MYH10: variants seen among roughly 807,000 people sequenced by gnomAD.
The protein encoded by MYH10 is myosin-10.
Under a neutral mutation model 257.8 loss-of-function variants are expected in MYH10, and 55 were observed. That is an observed-to-expected ratio of 0.21 (90% CI 0.17 to 0.27). The LOEUF is 0.27. Ranked by LOEUF, MYH10 falls within the 10% of genes least tolerant of loss-of-function variation. MYH10 has a pLI of 1.00. For missense variants in MYH10, 1,631 were observed against 2,500.6 expected, an observed-to-expected ratio of 0.65 and a Z score of 7.42; for synonymous variants, 854 against 921.7, an observed-to-expected ratio of 0.93 and a Z score of 1.33.
chr17:8,619,303 C>G (rs2085379328), intron 2 of MYH10, among the ~76,000 whole-genome samples: 1 of 152,114 alleles, frequency 6.6e-6, no homozygotes, highest in African/African-American at 2.4e-5. Context: ...GGTGCTAGTA[C>G]AGTTTGGTAC....
chr17:8,554,554 A>G (rs1318060215), intron 7 of MYH10, among the ~76,000 whole-genome samples: 2 of 152,208 alleles, frequency 1.3e-5, no homozygotes, highest in Non-Finnish European at 2.9e-5. Context: ...TGATTTCTTT[A>G]CTATACATAA....
intron 2 of MYH10, among the ~76,000 whole-genome samples, chr17:8,620,033 CA>C (rs1333039677): frequency 6.6e-6 from 1 of 152,062 alleles, no homozygotes; most frequent in East Asian, 1.9e-4. Context: ...CAGTAACTGA[CA>C]AATCAAGCAG....
intron 17 of MYH10, among the ~76,000 whole-genome samples, chr17:8,522,552 T>C (rs2081690666): frequency 6.6e-6 from 1 of 152,190 alleles, no homozygotes; most frequent in African/African-American, 2.4e-5. Context: ...GAGACCACCA[T>C]TCTTTCCTGT....
In MYH10 at chr17:8,484,245, G is replaced by C; in HGVS notation, c.5068C>G (p.Arg1690Gly). The stretch of plus-strand genomic sequence containing the variant: ...GATGCACGAGCTTCTTCTAATTCAC[G>C]TTGGTAATCCTTCATCTGAGCCTAA... ...KLQAQMKDYQ[R>G]ELEEARASRD... Residue 1690 changes from arginine to glycine, a missense_variant, in exon 37 of 43, where the codon CGT (arginine) becomes GGT (glycine). Coordinates refer to ENST00000360416, the MANE Select transcript of MYH10 (RefSeq NM_001256012.3). 6.2e-7 allele frequency: 1 copy of C among 1,612,490 alleles called. No individual in the cohort carries two copies. Among genetic ancestry groups the C allele is most frequent in the Non-Finnish European group, 8.5e-7 (1 of 1,179,402 alleles).
At chr17:8,589,174 A>G (rs1399155148) in intron 3 of MYH10, 66 bp from the exon 4 acceptor site, 6 of 1,548,328 alleles carry the variant, frequency 3.9e-6, no homozygotes, top group Non-Finnish European at 5.3e-6. Context: ...AAAATATTTG[A>G]TATAATAAAG....
chr17:8,495,043 C>T, intron 31 of MYH10, 94 bp downstream of exon 31: 1 of 770,636 alleles, frequency 1.3e-6, no homozygotes, highest in Non-Finnish European at 2.2e-6. Flanking sequence ...TAAGAGGTGA[C>T]ACAGAAGGCA....
intron 35 of MYH10, among the ~76,000 whole-genome samples, chr17:8,487,847 A>G (rs1473774919): frequency 6.6e-6 from 1 of 152,212 alleles, no homozygotes; most frequent in Non-Finnish European, 1.5e-5. Context: ...GCGAGAAGGC[A>G]GCCAGTGACC....
intron 38 of MYH10, 65 bp from the exon 39 acceptor site, chr17:8,480,590 A>G (rs1048729980): frequency 2.5e-6 from 4 of 1,589,234 alleles, no homozygotes; most frequent in South Asian, 1.1e-5. Context: ...GCCTCAGGGA[A>G]GGCTCCTCCA....
At chr17:8,562,501 G>A (rs761406273) in intron 7 of MYH10, among the ~76,000 whole-genome samples, 3 of 152,162 alleles carry the variant, frequency 2.0e-5, no homozygotes, top group African/African-American at 4.8e-5. Flanking sequence ...AAGTGGGAAC[G>A]CTATCTTTAA....
At chr17:8,512,698 A>G (rs749994777) in intron 23 of MYH10, 41 bp from the exon 24 acceptor site, 10 of 1,528,566 alleles carry the variant, frequency 6.5e-6, no homozygotes, top group South Asian at 1.2e-5. Flanking sequence ...CCCCTATTAC[A>G]TACGTACACA....
At chr17:8,497,904 T>C (rs909508373) in intron 30 of MYH10, among the ~76,000 whole-genome samples, 1 of 151,536 alleles carries the variant, frequency 6.6e-6, no homozygotes, top group African/African-American at 2.4e-5. Context: ...AGCAGTTACA[T>C]CGTCTTAGGT....
intron 7 of MYH10, among the ~76,000 whole-genome samples, chr17:8,556,724 G>A (rs1443399997): frequency 1.3e-5 from 2 of 152,074 alleles, no homozygotes; most frequent in East Asian, 3.8e-4. Flanking sequence ...TTATCTAAAC[G>A]CACTGAACTG....
intron 5 of MYH10, among the ~76,000 whole-genome samples, chr17:8,576,881 T>C (rs1384733665): frequency 6.6e-6 from 1 of 152,224 alleles, no homozygotes; most frequent in Admixed American, 6.5e-5. Flanking sequence ...TTTTCTGTCA[T>C]CACTTCTTCC....
chr17:8,539,573 A>C (rs1417774786), intron 14 of MYH10, among the ~76,000 whole-genome samples: 1 of 152,064 alleles, frequency 6.6e-6, no homozygotes, highest in Non-Finnish European at 1.5e-5. Flanking sequence ...TCCAGGCCAT[A>C]ATTGAGGATT....
At chr17:8,563,452 C>T (rs1187451654) in intron 7 of MYH10, among the ~76,000 whole-genome samples, 1 of 151,918 alleles carries the variant, frequency 6.6e-6, no homozygotes, top group Non-Finnish European at 1.5e-5. Context: ...ATATATAGAC[C>T]CTCCCCAATC....
chr17:8,518,503 C>A (rs2151897871), intron 21 of MYH10, 128 bp downstream of exon 21: 1 of 949,838 alleles, frequency 1.1e-6, no homozygotes, highest in East Asian at 2.5e-5. Context: ...ACTATCTCTG[C>A]CACTATAAAG....
Position 8,500,810 on chromosome 17 carries a change from G to A in MYH10, c.3744+16C>T, listed in dbSNP as rs1336858035. The stretch of plus-strand genomic sequence containing the variant: ...GACTTTCTCCAGGCCACAGCACACG[G>A]CAGGGCCTCCCTTACCCGCTTGGCC... On this transcript the variant is annotated intron_variant, in intron 29 of 42. Transcript: ENST00000360416. 1 of 1,609,816 alleles carries A rather than the reference G, an allele frequency of 6.2e-7. No homozygotes were observed. The highest frequency in any genetic ancestry group is 8.5e-7 in the Non-Finnish European group (1 of 1,179,194).
chr17:8,478,726 G>A (rs1296959776), intron 40 of MYH10, among the ~76,000 whole-genome samples: 1 of 152,160 alleles, frequency 6.6e-6, no homozygotes, highest in Non-Finnish European at 1.5e-5. Flanking sequence ...ATTGTACTCA[G>A]TTATCTTACT....
intron 1 of MYH10, among the ~76,000 whole-genome samples, chr17:8,629,129 G>A (rs1308836223): frequency 6.6e-6 from 1 of 152,092 alleles, no homozygotes. Flanking sequence ...GATTGATGAA[G>A]GAGATAAAAC....
Sources: gnomAD v4.1 joint callset for allele counts (sites outside exome capture counted in the v4.1 genomes callset) on GRCh38, gnomAD v4.1.1 for gene constraint, MANE v1.5 for transcripts, NCBI Gene and HGNC (gene_info 2026-07-23, HGNC 2026-07-21) for gene names.